Variants in NTRK3 observed in about 807,000 individuals in gnomAD.
The protein encoded by NTRK3 is NT-3 growth factor receptor.
In NTRK3, 24 loss-of-function variants were observed where a neutral mutation model predicts 91.7. That is an observed-to-expected ratio of 0.26 (90% CI 0.19 to 0.37). NTRK3 has a LOEUF of 0.37. Among genes scored for constraint, NTRK3 ranks in the 10% least tolerant of loss-of-function variants. The pLI is 1.00. For missense variants in NTRK3, 880 were observed against 1,068.9 expected, an observed-to-expected ratio of 0.82 and a Z score of 2.46; for synonymous variants, 483 against 404.0, an observed-to-expected ratio of 1.20 and a Z score of -2.34.
intron 6 of NTRK3, among the ~76,000 whole-genome samples, chr15:88,143,262 T>A (rs4887374): frequency 0.21 from 32,041 of 151,978 alleles, 3,566 homozygotes; most frequent in South Asian, 0.31. Context: ...AGGTGGAGAT[T>A]AAAGACAAAG....
At chr15:87,888,907 C>A (rs1160229875) in intron 17 of NTRK3, among the ~76,000 whole-genome samples, 1 of 152,144 alleles carries the variant, frequency 6.6e-6, no homozygotes, top group Non-Finnish European at 1.5e-5. Flanking sequence ...ATCCGCTGGG[C>A]TTTCTGCACG....
intron 14 of NTRK3, among the ~76,000 whole-genome samples, chr15:88,028,052 G>A (rs968284880): frequency 2.0e-5 from 3 of 152,066 alleles, no homozygotes; most frequent in African/African-American, 7.2e-5. Flanking sequence ...AGGGTGAGGA[G>A]GGAAAATGGG....
intron 17 of NTRK3, among the ~76,000 whole-genome samples, chr15:87,920,585 C>G (rs1443365472): frequency 6.6e-6 from 1 of 152,240 alleles, no homozygotes; most frequent in Non-Finnish European, 1.5e-5. Context: ...GCCCTGTCCA[C>G]TTGCTATATG....
intron 14 of NTRK3, among the ~76,000 whole-genome samples, chr15:88,005,756 C>T (rs956169831): frequency 1.3e-5 from 2 of 152,130 alleles, no homozygotes; most frequent in Non-Finnish European, 2.9e-5. Flanking sequence ...CCATCTACCC[C>T]AACAACTACA....
intron 13 of NTRK3, among the ~76,000 whole-genome samples, chr15:88,053,896 G>T (rs1385004122): frequency 6.6e-6 from 1 of 152,200 alleles, no homozygotes; most frequent in Non-Finnish European, 1.5e-5. Context: ...TTTGCCTCAA[G>T]TTCTCTTCCC....
intron 3 of NTRK3, among the ~76,000 whole-genome samples, chr15:88,184,853 C>T (rs1336845231): frequency 6.6e-6 from 1 of 152,224 alleles, no homozygotes; most frequent in African/African-American, 2.4e-5. Flanking sequence ...AGCCCAATCC[C>T]TCCTGGAGCT....
intron 5 of NTRK3, among the ~76,000 whole-genome samples, chr15:88,152,381 C>T (rs1260771675): frequency 6.6e-6 from 1 of 152,018 alleles, no homozygotes; most frequent in South Asian, 2.1e-4. Flanking sequence ...TTTTAAAGAC[C>T]TAATTAAAGT....
At chr15:88,225,085 T>C (rs1247011211) in intron 3 of NTRK3, among the ~76,000 whole-genome samples, 2 of 152,174 alleles carry the variant, frequency 1.3e-5, no homozygotes, top group Non-Finnish European at 2.9e-5. Flanking sequence ...GCGGGAAAGA[T>C]GATGTTTCTC....
intron 3 of NTRK3, among the ~76,000 whole-genome samples, chr15:88,217,261 A>C (rs1246676602): frequency 6.6e-6 from 1 of 152,214 alleles, no homozygotes; most frequent in African/African-American, 2.4e-5. Context: ...GTAAATGCCC[A>C]AAAAGATTAA....
At chr15:87,992,777 G>T (rs1377654117) in intron 14 of NTRK3, among the ~76,000 whole-genome samples, 1 of 152,226 alleles carries the variant, frequency 6.6e-6, no homozygotes, top group Non-Finnish European at 1.5e-5. Context: ...GCCAGGACTT[G>T]AATCCAGGTT....
intron 3 of NTRK3, among the ~76,000 whole-genome samples, chr15:88,249,876 C>A (rs1273288941): frequency 6.6e-6 from 1 of 152,170 alleles, no homozygotes; most frequent in Non-Finnish European, 1.5e-5. Context: ...TGAGTCCAGC[C>A]TCTATCTGGG....
chr15:88,077,469 A>C (rs2047651376), intron 13 of NTRK3, among the ~76,000 whole-genome samples: 2 of 149,560 alleles, frequency 1.3e-5, no homozygotes, highest in Non-Finnish European at 3.0e-5. Context: ...ACGCCTCCCC[A>C]TGGGAGTTTA....
intron 14 of NTRK3, among the ~76,000 whole-genome samples, chr15:87,950,509 C>A (rs1042560645): frequency 6.6e-6 from 1 of 152,068 alleles, no homozygotes; most frequent in Non-Finnish European, 1.5e-5. Flanking sequence ...GGAGCAAACA[C>A]CAGGATCAGA....
chr15:87,938,629 C>A (rs991932244), intron 15 of NTRK3, among the ~76,000 whole-genome samples: 1 of 152,174 alleles, frequency 6.6e-6, no homozygotes, highest in Non-Finnish European at 1.5e-5. Context: ...CCAGACCACT[C>A]GGGGAAACAT....
chr15:87,888,384 T>C (rs2065670317), intron 17 of NTRK3, among the ~76,000 whole-genome samples: 1 of 152,164 alleles, frequency 6.6e-6, no homozygotes, highest in Non-Finnish European at 1.5e-5. Context: ...CCAGATTTTG[T>C]GTAGAGAGAC....
chr15:88,199,024 C>G (rs539788967), intron 3 of NTRK3, among the ~76,000 whole-genome samples: 74 of 152,244 alleles, frequency 4.9e-4, no homozygotes, highest in Non-Finnish European at 9.0e-4. Flanking sequence ...ACAAGTAACA[C>G]TTCATAGAGC....
chr15:87,885,199 C>A (rs956945307), intron 17 of NTRK3, among the ~76,000 whole-genome samples: 1 of 151,804 alleles, frequency 6.6e-6, no homozygotes, highest in Non-Finnish European at 1.5e-5. Context: ...TCAGCATAAA[C>A]CTTAGCAGAA....
In NTRK3 at chr15:88,097,307, T is replaced by C. The variant is rs139618401; in HGVS notation, c.1396+28964A>G. Among the ~76,000 whole-genome samples the C allele has an allele frequency of 2.5e-3, 375 of 152,384 alleles. 3 individuals carry two copies. The highest frequency in any genetic ancestry group is 8.5e-3 in the African/African-American group (354 of 41,596). On this transcript the variant is annotated intron_variant, in intron 13 of 18. Transcript: ENST00000394480. ...GGGATATTATTGCTACTATCATTAA[T>C]GCTGTTAGCATGACAAATGTACCAG...
intron 13 of NTRK3, among the ~76,000 whole-genome samples, chr15:88,061,345 A>G (rs2046195017): frequency 6.6e-6 from 1 of 152,078 alleles, no homozygotes; most frequent in Non-Finnish European, 1.5e-5. Context: ...GAGCCCTGCC[A>G]CGGCCTCACT....
Sources: allele counts gnomAD v4.1 joint callset (sites outside exome capture counted in the v4.1 genomes callset), GRCh38; gene constraint gnomAD v4.1.1; transcripts MANE v1.5; gene names NCBI Gene and HGNC (gene_info 2026-07-23, HGNC 2026-07-21).